Variants in HEATR1 observed in about 807,000 individuals in gnomAD.
HEATR1 encodes the protein HEAT repeat-containing protein 1.
Under a neutral mutation model 248.2 loss-of-function variants are expected in HEATR1, and 77 were observed. The observed-to-expected ratio is 0.31, with a 90% confidence interval of 0.26 to 0.37. HEATR1 has a LOEUF of 0.37. Ranked by LOEUF, HEATR1 falls within the 10% of genes least tolerant of loss-of-function variation. The pLI is 1.00. For synonymous variants in HEATR1, 897 were observed against 923.1 expected (o/e 0.97, Z 0.51); for missense variants, 2,420 against 2,504.9 (o/e 0.97, Z 0.72).
chr1:236,599,567 GTGGTATGGCAGAACA>G lies in HEATR1; in HGVS notation c.402_416del (p.Val135_His139del). On this transcript the variant is annotated inframe_deletion, in exon 4 of 45. Transcript: ENST00000366582. ...TGACTCGCACAAATATTCTTGTCTC[GTGGTATGGCAGAACA>G]CAAGCAATGAGGCTATCTTGATTAT... is the stretch of plus-strand genomic sequence containing the variant. 6.2e-7 allele frequency: 1 copy of G among 1,613,464 alleles called. No homozygotes were observed. Among genetic ancestry groups the G allele is most frequent in the Non-Finnish European group, 8.5e-7 (1 of 1,179,562 alleles).
At chr1:236,586,099 T>A in intron 15 of HEATR1, 142 bp downstream of exon 15, 1 of 1,240,424 alleles carries the variant, frequency 8.1e-7, no homozygotes, top group Non-Finnish European at 1.1e-6. Flanking sequence ...GGCTTCCTTT[T>A]CACTGTATAC....
Position 236,576,219 on chromosome 1 carries a change from C to T in HEATR1, c.3084G>A (p.Glu1028=). Residue 1028 remains glutamate (E), a splice_region_variant and synonymous_variant, in exon 22 of 45, where the codon GAG becomes GAA. Transcript: ENST00000366582. ...LMKVLQGVNG[E]MVLSQLLPMA... Reference sequence around the variant, plus strand: ...TACAATCCACTTAAATGGCACATACCTCACCGTTGACTCCCTGAAGTACTT... The same window carrying T: ...TACAATCCACTTAAATGGCACATACTTCACCGTTGACTCCCTGAAGTACTT... 6.3e-7 allele frequency: 1 copy of T among 1,593,726 alleles called. No homozygotes were observed. Among genetic ancestry groups the T allele is most frequent in the South Asian group, 1.2e-5 (1 of 86,638 alleles).
At chr1:236,586,958 G>A (rs1366477406) in intron 14 of HEATR1, among the ~76,000 whole-genome samples, 1 of 152,022 alleles carries the variant, frequency 6.6e-6, no homozygotes, top group African/African-American at 2.4e-5. Flanking sequence ...ACTTTTTCTT[G>A]CAAAAAGCTT....
At chr1:236,584,954 T>C (rs1419053939) in intron 17 of HEATR1, 71 bp downstream of exon 17, 1 of 1,337,186 alleles carries the variant, frequency 7.5e-7, no homozygotes, top group Non-Finnish European at 1.0e-6. Context: ...ATTTTCAGTT[T>C]TGCTGTGACT....
intron 11 of HEATR1, 30 bp downstream of exon 11, chr1:236,591,963 T>C (rs1664049443): frequency 7.4e-7 from 1 of 1,349,956 alleles, no homozygotes; most frequent in South Asian, 1.2e-5. Flanking sequence ...GTACCCCAAA[T>C]TGTCATAATT....
At chr1:236,578,353 A>G (rs990025237) in intron 20 of HEATR1, among the ~76,000 whole-genome samples, 2 of 152,136 alleles carry the variant, frequency 1.3e-5, no homozygotes, top group Non-Finnish European at 2.9e-5. Context: ...AAACTTGTCT[A>G]TTTCTGCCGG....
intron 3 of HEATR1, among the ~76,000 whole-genome samples, chr1:236,602,573 A>G (rs1030258510): frequency 2.6e-5 from 4 of 152,200 alleles, no homozygotes; most frequent in Non-Finnish European, 5.9e-5. Flanking sequence ...CTTAGTACTC[A>G]CTGCCTCAAG....
chr1:236,572,517 C>T lies in HEATR1; in HGVS notation c.3601G>A (p.Gly1201Ser). The T allele has an allele frequency of 6.2e-7, 1 of 1,614,066 alleles. No homozygotes were observed. The highest frequency in any genetic ancestry group is 8.5e-7 in the Non-Finnish European group (1 of 1,179,956). ...AGAGTTACTCTTTGCCAGTAAGAAC[C>T]TCCAACTTCCTGAACAGATTCTAGA... is the stretch of plus-strand genomic sequence containing the variant. ...QDLESVQEVG[G>S]SYWQRVTLIL... The change falls in exon 26 of 45, where the codon GGT becomes AGT. Residue 1201 changes from glycine (G) to serine (S), a missense_variant. Physicochemically the swap from Gly to Ser is moderately conservative, Grantham distance 56. Transcript: ENST00000366582.
intron 20 of HEATR1, among the ~76,000 whole-genome samples, chr1:236,579,774 T>A (rs2794772): frequency 0.49 from 74,643 of 152,042 alleles, 22,006 homozygotes; most frequent in Non-Finnish European, 0.65. Flanking sequence ...AAATTACATA[T>A]CTACTTTAAA....
At chr1:236,562,097 C>G (rs1663146407) in intron 32 of HEATR1, among the ~76,000 whole-genome samples, 1 of 152,192 alleles carries the variant, frequency 6.6e-6, no homozygotes, top group African/African-American at 2.4e-5. Context: ...CTAACGACTT[C>G]AACAGTTTTG....
chr1:236,572,723 ACTT>A lies in HEATR1; in HGVS notation c.3562_3563+1del. ...TGTGCTCAATGCATTTGTAGCTCTT[ACTT>A]CTGCTGCATTTTTTGCCTTCTTTTT... On this transcript the variant is annotated splice_donor_variant and coding_sequence_variant, in exon 25 of 45. Transcript: ENST00000366582. LOFTEE classifies it high-confidence loss of function. 1 of 1,613,318 alleles carries A rather than the reference ACTT, an allele frequency of 6.2e-7. No homozygotes were observed.
chr1:236,570,289 A>AAAACAAAC (rs1051505835), intron 28 of HEATR1, among the ~76,000 whole-genome samples: 2 of 152,210 alleles, frequency 1.3e-5, no homozygotes, highest in African/African-American at 4.8e-5. Flanking sequence ...ACTCCGTCTC[A>AAAACAAAC]AAACAAACAA....
chr1:236,589,440 A>T (rs908950977), intron 12 of HEATR1, among the ~76,000 whole-genome samples: 2 of 152,356 alleles, frequency 1.3e-5, no homozygotes, highest in Non-Finnish European at 2.9e-5. Flanking sequence ...TGTTGTTTAT[A>T]TATCAACTTA....
Position 236,572,534 on chromosome 1 carries a change from G to C in HEATR1, c.3584C>G (p.Ser1195Cys), listed in dbSNP as rs1303576876. Residue 1195 changes from serine to cysteine, a missense_variant, in exon 26 of 45, where the codon TCT (serine) becomes TGT (cysteine). Ser to Cys is a moderately radical substitution (Grantham distance 112, BLOSUM62 -1). Transcript: ENST00000366582. ...MQQKKSQDLESVQEVGGSYWQ... is the reference protein window; with the variant it reads ...MQQKKSQDLECVQEVGGSYWQ... Reference sequence around the variant, plus strand: ...GTAAGAACCTCCAACTTCCTGAACAGATTCTAGATCTTGTGATTTTCTGGA... The same window carrying C: ...GTAAGAACCTCCAACTTCCTGAACACATTCTAGATCTTGTGATTTTCTGGA... 6.2e-7 allele frequency: 1 copy of C among 1,613,970 alleles called. No individual in the cohort carries two copies. The highest frequency in any genetic ancestry group is 1.7e-5 in the Admixed American group (1 of 59,998).
At position 236,603,395 on chromosome 1, in the gene HEATR1, CA is replaced by C; in HGVS notation, c.143-20del. 6.2e-7 allele frequency: 1 copy of C among 1,600,380 alleles called. No individual in the cohort carries two copies. The highest frequency in any genetic ancestry group is 8.5e-7 in the Non-Finnish European group (1 of 1,169,768). The stretch of plus-strand genomic sequence containing the variant: ...GTACATCCTAAATTTCAAAAAAGGC[CA>C]GTTTATTTAACAATTCTTCGTAAGC... On this transcript the variant is annotated intron_variant, in intron 2 of 44. Coordinates refer to ENST00000366582, the MANE Select transcript of HEATR1 (RefSeq NM_018072.6).
rs1319785407 is a variant in HEATR1 at position 236,604,059 on chromosome 1, G to A, written c.37C>T (p.Leu13Phe). The A allele has an allele frequency of 6.3e-7, 1 of 1,581,028 alleles. No individual in the cohort carries two copies. Among genetic ancestry groups the A allele is most frequent in the Non-Finnish European group, 8.6e-7 (1 of 1,169,060 alleles). Residue 13 changes from leucine (L) to phenylalanine (F), a missense_variant, in exon 2 of 45, where the codon CTC becomes TTC. By Grantham distance (22) the Leu-to-Phe change is conservative. Transcript: ENST00000366582. ...SLAQQLQRLA[L>F]PQSDASLLSR... ...AAGAGGCTGGCATCACTTTGAGGGA[G>A]GGCGAGTCGTTGCAGCTGCTGGGCT...
intron 37 of HEATR1, 74 bp from the exon 38 acceptor site, chr1:236,556,332 T>G: frequency 6.8e-7 from 1 of 1,462,732 alleles, no homozygotes; most frequent in African/African-American, 1.4e-5. Context: ...CAGAGAGGCT[T>G]CATGATGAGG....
At chr1:236,565,384 G>T (rs1409429310) in intron 31 of HEATR1, among the ~76,000 whole-genome samples, 1 of 152,120 alleles carries the variant, frequency 6.6e-6, no homozygotes, top group Non-Finnish European at 1.5e-5. Flanking sequence ...CTTGAACTGC[G>T]CTAAAGTGAT....
At chr1:236,596,784 G>C in intron 6 of HEATR1, 52 bp downstream of exon 6, 1 of 1,500,206 alleles carries the variant, frequency 6.7e-7, no homozygotes, top group Non-Finnish European at 8.9e-7. Flanking sequence ...TCGAAAGCAA[G>C]AAAATTCCTT....
Sources: allele counts gnomAD v4.1 joint callset (sites outside exome capture counted in the v4.1 genomes callset), GRCh38; gene constraint gnomAD v4.1.1; transcripts MANE v1.5; gene names NCBI Gene and HGNC (gene_info 2026-07-23, HGNC 2026-07-21).